The following RPL10A variants were observed in gnomAD, a reference collection of about 807,000 sequenced individuals.
RPL10A encodes large ribosomal subunit protein uL1.
In RPL10A, 11 loss-of-function variants were observed where a neutral mutation model predicts 24.6. The ratio of observed to expected loss-of-function variants is 0.45; its 90% CI spans 0.28 to 0.74. The LOEUF (loss-of-function observed/expected upper bound fraction) is 0.74. RPL10A is among the 30% of genes least tolerant of loss of function. RPL10A has a pLI of 0.13. For missense variants in RPL10A, 136 were observed against 273.1 expected, an observed-to-expected ratio of 0.50 and a Z score of 3.54; for synonymous variants, 98 against 108.5, an observed-to-expected ratio of 0.90 and a Z score of 0.60.
chr6:35,469,235 C>T, intron 3 of RPL10A, 146 bp from the exon 4 acceptor site: 1 of 1,486,070 alleles, frequency 6.7e-7, no homozygotes, highest in Non-Finnish European at 8.9e-7. Flanking sequence ...GCCGAGCCCG[C>T]CGGCCAGCCT....
In RPL10A at chr6:35,468,428, A is replaced by AGAAGCCATGAGGTGAGTTGGTCCTG. The variant is rs765266074; in HGVS notation, c.-6_5+14dup. On this transcript the variant is annotated 5_prime_UTR_variant, in exon 1 of 6. It adds an upstream start codon to the 5' untranslated region. Transcript: ENST00000322203. ...TCTCTTTTCCGGTTAGCGCGGCGTG[A>AGAAGCCATGAGGTGAGTTGGTCCTG]GAAGCCATGAGGTGAGTTGGTCCTG... The AGAAGCCATGAGGTGAGTTGGTCCTG allele has an allele frequency of 8.1e-6, 13 of 1,613,944 alleles. No homozygotes were observed. In the South Asian group the frequency reaches 8.8e-5, roughly 11 times the overall value.
In RPL10A at chr6:35,469,457, G is replaced by C. The variant is rs761258671; in HGVS notation, c.238G>C (p.Val80Leu). 1 of 1,613,676 alleles carries C rather than the reference G, an allele frequency of 6.2e-7. No homozygotes were observed. The highest frequency in any genetic ancestry group is 1.3e-5 in the African/African-American group (1 of 74,902). The change falls in exon 4 of 6, where the codon GTG (valine) becomes CTG (leucine). Residue 80 changes from valine (V) to leucine (L), a missense_variant. Coordinates refer to ENST00000322203, the MANE Select transcript of RPL10A (RefSeq NM_007104.5). ...DQQHCDEAKAVDIPHMDIEAL... is the reference protein window; with the variant it reads ...DQQHCDEAKALDIPHMDIEAL... ...GCAGCACTGTGACGAGGCTAAGGCC[G>C]TGGATATCCCCCACATGGACATCGA...
chr6:35,470,522 A>C lies in RPL10A; in HGVS notation c.484-58A>C. The stretch of plus-strand genomic sequence containing the variant: ...TCACCAGGCCACTGGGGGAGGAAGG[A>C]CAGGCCATCTGCTATTCGTCCACCA... On this transcript the variant is annotated intron_variant, in intron 5 of 5. Coordinates refer to ENST00000322203, the MANE Select transcript of RPL10A (RefSeq NM_007104.5). This position sits in a 1 kb window ranked among gnomAD's most constrained non-coding sequence, Gnocchi z 4.6. 2 of 1,555,416 alleles carry C rather than the reference A, an allele frequency of 1.3e-6. No individual in the cohort carries two copies. Among genetic ancestry groups the C allele is most frequent in the Non-Finnish European group, 1.8e-6 (2 of 1,135,312 alleles).
Position 35,468,887 on chromosome 6 carries a change from C to T in RPL10A, c.80+14C>T, listed in dbSNP as rs762425812. On this transcript the variant is annotated intron_variant, in intron 2 of 5. Transcript: ENST00000322203. ...CAAGCGCCGCAAGTGAGTGCCGACC[C>T]TGGGGCACGGCGCGGGTGGCGAGGG... is the stretch of plus-strand genomic sequence containing the variant. 1.7e-5 allele frequency: 27 copies of T among 1,613,088 alleles called. No homozygotes were observed. Among genetic ancestry groups the T allele is most frequent in the Admixed American group, 3.3e-5 (2 of 59,930 alleles).
Position 35,470,417 on chromosome 6 carries a change from C to T in RPL10A, c.483+66C>T. On this transcript the variant is annotated intron_variant, in intron 5 of 5. Transcript: ENST00000322203. This position sits in a 1 kb window ranked among gnomAD's most constrained non-coding sequence, Gnocchi z 4.6. Reference sequence around the variant, plus strand: ...CAGGGTCTAAATCTTATCCAAGTCTCTAAATATGCCAGTAAGAGCACCCAC... The same window carrying T: ...CAGGGTCTAAATCTTATCCAAGTCTTTAAATATGCCAGTAAGAGCACCCAC... The T allele has an allele frequency of 6.5e-7, 1 of 1,547,452 alleles. No homozygotes were observed. The highest frequency in any genetic ancestry group is 8.7e-7 in the Non-Finnish European group (1 of 1,143,170).
rs1212381391 is a variant in RPL10A at position 35,468,784 on chromosome 6, G to T, written c.6-15G>T. The stretch of plus-strand genomic sequence containing the variant: ...ACTCCGCGGCCCTGAGCGCCCTGTC[G>T]CTTCTCTCCCGCAGCAGCAAAGTCT... On this transcript the variant is annotated splice_polypyrimidine_tract_variant and intron_variant, in intron 1 of 5. Coordinates refer to ENST00000322203, the MANE Select transcript of RPL10A (RefSeq NM_007104.5). 2.5e-6 allele frequency: 4 copies of T among 1,580,160 alleles called. No individual in the cohort carries two copies. Among genetic ancestry groups the T allele is most frequent in the Non-Finnish European group, 3.4e-6 (4 of 1,163,354 alleles).
chr6:35,468,513 A>G (rs1767913002), intron 1 of RPL10A, 74 bp downstream of exon 1: 3 of 1,610,112 alleles, frequency 1.9e-6, no homozygotes, highest in South Asian at 2.2e-5. Flanking sequence ...CGGATCCTGT[A>G]GGCCGCGCCG....
In RPL10A at chr6:35,469,436, C is replaced by G; in HGVS notation, c.217C>G (p.His73Asp). Residue 73 changes from histidine (H) to aspartate (D), a missense_variant, in exon 4 of 6, where the codon CAC (histidine) becomes GAC (aspartate). Physicochemically the swap from His to Asp is moderately conservative, Grantham distance 81 (BLOSUM62 -1). Around this residue, in one of 3 missense-constraint regions of RPL10A, gnomAD observed 88 missense variants for 149.2 expected, o/e 0.59. Coordinates refer to ENST00000322203, the MANE Select transcript of RPL10A (RefSeq NM_007104.5). ...TGTGTGTGTCCTGGGGGACCAGCAG[C>G]ACTGTGACGAGGCTAAGGCCGTGGA... ...FSVCVLGDQQ[H>D]CDEAKAVDIP... is the part of the protein sequence containing the mutation. 6.2e-7 allele frequency: 1 copy of G among 1,613,162 alleles called. No homozygotes were observed. Among genetic ancestry groups the G allele is most frequent in the Non-Finnish European group, 8.5e-7 (1 of 1,179,882 alleles).
chr6:35,469,036 C>T lies in RPL10A; in HGVS notation c.161+9C>T, dbSNP rs1352408994. ...TTCTCGGGCACCGTCAGGTTGGCACCGTTCTGATCCCACCCAGCCCTCAGT... is the reference window on the plus strand; with the variant it reads ...TTCTCGGGCACCGTCAGGTTGGCACTGTTCTGATCCCACCCAGCCCTCAGT... On this transcript the variant is annotated intron_variant, in intron 3 of 5. Transcript: ENST00000322203. The T allele has an allele frequency of 1.6e-5, 26 of 1,611,594 alleles. No homozygotes were observed. The highest frequency in any genetic ancestry group is 2.0e-5 in the Non-Finnish European group (24 of 1,179,852).
intron 1 of RPL10A, 167 bp downstream of exon 1, chr6:35,468,606 C>T: frequency 6.5e-7 from 1 of 1,541,884 alleles, no homozygotes. Flanking sequence ...GGTCCGATCA[C>T]TGAGAGCCTC....
At position 35,468,984 on chromosome 6, in the gene RPL10A, A is replaced by C; in HGVS notation, c.118A>C (p.Asn40His). ...ETVELQISLK[N>H]YDPQKDKRFS... ...GGTGGAGTTGCAGATCAGCTTGAAG[A>C]ACTATGATCCCCAGAAGGACAAGCG... The change falls in exon 3 of 6, where the codon AAC becomes CAC. Residue 40 changes from asparagine (N) to histidine (H), a missense_variant. This residue lies in a region of RPL10A where 88 missense variants were observed against 149.2 expected (regional missense o/e 0.59). Transcript: ENST00000322203. 1 of 1,613,626 alleles carries C rather than the reference A, an allele frequency of 6.2e-7. No homozygotes were observed. The highest frequency in any genetic ancestry group is 1.1e-5 in the South Asian group (1 of 91,062).
At chr6:35,468,729 C>G (rs1004325449) in intron 1 of RPL10A, 70 bp from the exon 2 acceptor site, 2 of 1,547,872 alleles carry the variant, frequency 1.3e-6, no homozygotes, top group Non-Finnish European at 1.7e-6. Context: ...GCCTAGACCT[C>G]GGAGGCTTCC....
Position 35,468,491 on chromosome 6 carries a change from C to G in RPL10A, c.5+52C>G, listed in dbSNP as rs566459244. The G allele has an allele frequency of 3.7e-6, 6 of 1,611,704 alleles. No homozygotes were observed. The African/African-American group carries it at 8.2e-5, about 22-fold the overall frequency. ...GCGTTCATCCGCGCCTTCAGGTGCC[C>G]CGCCGAGGGTTCGGATCCTGTAGGC... On this transcript the variant is annotated intron_variant, in intron 1 of 5. Coordinates refer to ENST00000322203, the MANE Select transcript of RPL10A (RefSeq NM_007104.5).
chr6:35,468,898 C>T (rs373300843), intron 2 of RPL10A, 25 bp downstream of exon 2: 66 of 1,613,092 alleles, frequency 4.1e-5, no homozygotes, highest in Non-Finnish European at 5.1e-5. Flanking sequence ...TGGGGCACGG[C>T]GCGGGTGGCG....
chr6:35,469,367 C>T lies in RPL10A; in HGVS notation c.162-14C>T, dbSNP rs762658740. On this transcript the variant is annotated splice_polypyrimidine_tract_variant and intron_variant, in intron 3 of 5. Transcript: ENST00000322203. ...GCTAGGCGTAACCTGTTGGTGCTGT[C>T]CCCCAAAACGCAGGCTTAAGTCCAC... is the stretch of plus-strand genomic sequence containing the variant. The T allele has an allele frequency of 1.8e-5, 28 of 1,593,434 alleles. No homozygotes were observed. In the South Asian group the frequency reaches 2.7e-4, roughly 16 times the overall value.
rs373200011 is a variant in RPL10A at position 35,469,401 on chromosome 6, C to G, written c.182C>G (p.Pro61Arg). 6.2e-7 allele frequency: 1 copy of G among 1,610,722 alleles called. No individual in the cohort carries two copies. The highest frequency in any genetic ancestry group is 1.3e-5 in the African/African-American group (1 of 74,718). The change falls in exon 4 of 6, where the codon CCT becomes CGT. Residue 61 changes from proline to arginine, a missense_variant. This residue lies in a region of RPL10A where 88 missense variants were observed against 149.2 expected (regional missense o/e 0.59). Transcript: ENST00000322203. ...GTVRLKSTPR[P>R]KFSVCVLGDQ... ...CGCAGGCTTAAGTCCACTCCCCGCC[C>G]TAAGTTCTCTGTGTGTGTCCTGGGG...
intron 4 of RPL10A, 57 bp downstream of exon 4, chr6:35,469,586 G>T (rs1415240759): frequency 1.3e-6 from 2 of 1,550,684 alleles, no homozygotes; most frequent in East Asian, 2.3e-5. Context: ...CGGTAGAAAG[G>T]CTTTTCTGCC....
chr6:35,469,245 T>C, intron 3 of RPL10A, 136 bp from the exon 4 acceptor site: 1 of 1,493,270 alleles, frequency 6.7e-7, no homozygotes, highest in Non-Finnish European at 8.9e-7. Flanking sequence ...CCGGCCAGCC[T>C]GAGAAGCCAG....
chr6:35,469,411 T>A lies in RPL10A; in HGVS notation c.192T>A (p.Ser64=). 1 of 1,611,746 alleles carries A rather than the reference T, an allele frequency of 6.2e-7. No homozygotes were observed. The highest frequency in any genetic ancestry group is 1.1e-5 in the South Asian group (1 of 90,876). Residue 64 remains serine, a synonymous_variant, in exon 4 of 6, where the codon TCT becomes TCA. Coordinates refer to ENST00000322203, the MANE Select transcript of RPL10A (RefSeq NM_007104.5). ...RLKSTPRPKF[S]VCVLGDQQHC... is the part of the protein sequence containing the mutation. ...AGTCCACTCCCCGCCCTAAGTTCTC[T>A]GTGTGTGTCCTGGGGGACCAGCAGC...
Sources: allele counts gnomAD v4.1 joint callset, GRCh38; gene constraint gnomAD v4.1.1; regional missense constraint gnomAD v4.1.1; non-coding constraint Gnocchi (gnomAD v3.1); transcripts MANE v1.5; gene names NCBI Gene and HGNC (gene_info 2026-07-23, HGNC 2026-07-21).